RALYL: variants seen among roughly 807,000 people sequenced by gnomAD.
RALYL encodes RNA-binding Raly-like protein.
In RALYL, 29 loss-of-function variants were observed where a neutral mutation model predicts 35.1. That is an observed-to-expected ratio of 0.83 (90% CI 0.61 to 1.13). The LOEUF is 1.13. RALYL is among the 50% of genes most tolerant of loss of function. RALYL has a pLI of 0.00. For missense variants in RALYL, 359 were observed against 360.4 expected (o/e 1.00, Z 0.03); for synonymous variants, 120 against 127.6 (o/e 0.94, Z 0.40).
At chr8:84,577,904 TA>T (rs1809852025) in intron 2 of RALYL, among the ~76,000 whole-genome samples, 1 of 152,192 alleles carries the variant, frequency 6.6e-6, no homozygotes, top group Admixed American at 6.5e-5. Context: ...CTTAACTTAA[TA>T]AAATAAAGTA....
intron 1 of RALYL, among the ~76,000 whole-genome samples, chr8:84,484,292 C>T (rs1587694120): frequency 1.3e-5 from 2 of 152,124 alleles, no homozygotes; most frequent in East Asian, 3.9e-4. Flanking sequence ...GAAGGACAAA[C>T]CAGGTCTTAA....
At chr8:84,724,957 A>G (rs909766138) in intron 2 of RALYL, among the ~76,000 whole-genome samples, 14 of 151,690 alleles carry the variant, frequency 9.2e-5, no homozygotes, top group African/African-American at 3.4e-4. Flanking sequence ...TGTTGCAATC[A>G]CTAATTAATT....
At chr8:84,875,260 A>T (rs1252675866) in intron 7 of RALYL, among the ~76,000 whole-genome samples, 2 of 152,212 alleles carry the variant, frequency 1.3e-5, no homozygotes, top group African/African-American at 4.8e-5. Context: ...GGACTTTGAT[A>T]ACCAATTTGC....
chr8:84,582,922 G>T (rs1205340147), intron 2 of RALYL, among the ~76,000 whole-genome samples: 1 of 151,926 alleles, frequency 6.6e-6, no homozygotes, highest in East Asian at 1.9e-4. Context: ...CTAAAAGTTA[G>T]ATATAGTTTG....
At chr8:84,395,182 A>T (rs1462469632) in intron 1 of RALYL, among the ~76,000 whole-genome samples, 1 of 151,870 alleles carries the variant, frequency 6.6e-6, no homozygotes, top group African/African-American at 2.4e-5. Context: ...ATGATTTTTT[A>T]AAAGTCCTTG....
At chr8:84,895,303 C>T (rs1383608756) in intron 8 of RALYL, among the ~76,000 whole-genome samples, 1 of 147,584 alleles carries the variant, frequency 6.8e-6, no homozygotes, top group Non-Finnish European at 1.5e-5. Flanking sequence ...ATGTGTCCTG[C>T]AATTGACCTA....
chr8:84,871,612 G>T (rs985769935), intron 6 of RALYL, among the ~76,000 whole-genome samples: 1 of 152,138 alleles, frequency 6.6e-6, no homozygotes, highest in Non-Finnish European at 1.5e-5. Flanking sequence ...ATGGTACTTT[G>T]ATGTCTTTGA....
chr8:84,537,416 A>G (rs943783845), intron 2 of RALYL, among the ~76,000 whole-genome samples: 13 of 151,618 alleles, frequency 8.6e-5, no homozygotes, highest in African/African-American at 1.5e-4. Context: ...GTAGCGGGCT[A>G]CAGTGAGCTG....
intron 1 of RALYL, among the ~76,000 whole-genome samples, chr8:84,387,011 A>G (rs1202088153): frequency 3.3e-5 from 5 of 151,810 alleles, no homozygotes; most frequent in African/African-American, 1.2e-4. Context: ...GTTCCCTTAG[A>G]TAAGGCTTGT....
intron 2 of RALYL, among the ~76,000 whole-genome samples, chr8:84,681,270 G>C (rs1437110243): frequency 1.3e-5 from 2 of 152,166 alleles, no homozygotes; most frequent in Non-Finnish European, 1.5e-5. Flanking sequence ...AGTATAGTTT[G>C]AAGTCAGGTA....
At chr8:84,276,749 C>A (rs759578368) in intron 1 of RALYL, among the ~76,000 whole-genome samples, 3 of 152,058 alleles carry the variant, frequency 2.0e-5, no homozygotes, top group Non-Finnish European at 4.4e-5. Context: ...TTAAGTTGGA[C>A]TAAATTTGGA....
intron 1 of RALYL, among the ~76,000 whole-genome samples, chr8:84,423,267 C>G (rs2045901965): frequency 6.6e-6 from 1 of 151,568 alleles, no homozygotes. Flanking sequence ...GGATAGTTAG[C>G]TCTTCTTGTT....
At chr8:84,336,465 A>T (rs1386302165) in intron 1 of RALYL, among the ~76,000 whole-genome samples, 1 of 152,088 alleles carries the variant, frequency 6.6e-6, no homozygotes, top group East Asian at 1.9e-4. Context: ...AAATAACTTT[A>T]TTGGAAGGAT....
chr8:84,290,925 TAA>T (rs1160725744), intron 1 of RALYL, among the ~76,000 whole-genome samples: 21 of 152,194 alleles, frequency 1.4e-4, no homozygotes, highest in African/African-American at 3.4e-4. Context: ...TTCAGATCTC[TAA>T]TACTTTTGAT....
chr8:84,687,600 C>A (rs1424903831), intron 2 of RALYL, among the ~76,000 whole-genome samples: 1 of 151,938 alleles, frequency 6.6e-6, no homozygotes, highest in African/African-American at 2.4e-5. Context: ...ACTTGAAACA[C>A]AAAAAATTGT....
At chr8:84,643,322 G>C (rs531841384) in intron 2 of RALYL, among the ~76,000 whole-genome samples, 1 of 152,142 alleles carries the variant, frequency 6.6e-6, no homozygotes, top group Middle Eastern at 3.4e-3. Context: ...AAGAGCCCCA[G>C]TGACAACCTA....
chr8:84,407,420 A>C (rs2043652501), intron 1 of RALYL, among the ~76,000 whole-genome samples: 1 of 152,206 alleles, frequency 6.6e-6, no homozygotes. Flanking sequence ...AGAGACAATG[A>C]GTGAATGAAG....
chr8:84,395,320 TA>T (rs1861558664), intron 1 of RALYL, among the ~76,000 whole-genome samples: 1 of 151,912 alleles, frequency 6.6e-6, no homozygotes, highest in Non-Finnish European at 1.5e-5. Flanking sequence ...ATTCCATTTC[TA>T]ATAAAAAATA....
At chr8:84,197,123 G>A (rs1237029501) in intron 1 of RALYL, among the ~76,000 whole-genome samples, 1 of 152,098 alleles carries the variant, frequency 6.6e-6, no homozygotes, top group Non-Finnish European at 1.5e-5. Flanking sequence ...TACTTAACAT[G>A]TAAATTTGCT....
Sources: gnomAD v4.1 joint callset for allele counts (sites outside exome capture counted in the v4.1 genomes callset) on GRCh38, gnomAD v4.1.1 for gene constraint, MANE v1.5 for transcripts, NCBI Gene and HGNC (gene_info 2026-07-23, HGNC 2026-07-21) for gene names.